The following PTPRG variants were observed in gnomAD, a reference collection of about 807,000 sequenced individuals.
PTPRG encodes the protein receptor-type tyrosine-protein phosphatase gamma.
A neutral mutation model predicts 165.3 loss-of-function variants in PTPRG; 102 were observed. That is an observed-to-expected ratio of 0.62 (90% confidence interval 0.53 to 0.73). PTPRG has a LOEUF of 0.73. PTPRG is among the 30% of genes least tolerant of loss of function. The pLI is 0.00. For synonymous variants in PTPRG, 675 were observed against 669.5 expected (o/e 1.01, Z -0.13); for missense variants, 1,866 against 1,861.4 (o/e 1.00, Z -0.05).
chr3:62,210,727 G>C lies in PTPRG; in HGVS notation c.2155+6777G>C, dbSNP rs538082400. The stretch of plus-strand genomic sequence containing the variant: ...AGATGATGAGAATGAAGACCTTTAT[G>C]ATGACCCACTTCCACTTAATGAATA... On this transcript the variant is annotated intron_variant, in intron 12 of 29. Transcript: ENST00000474889. The surrounding 1 kb of genome is among the most constrained non-coding windows in gnomAD (Gnocchi z 4.1). Among the ~76,000 whole-genome samples the C allele has an allele frequency of 1.3e-5, 2 of 152,146 alleles. No individual in the cohort carries two copies. Among genetic ancestry groups the C allele is most frequent in the South Asian group, 2.1e-4 (1 of 4,820 alleles).
chr3:61,739,802 A>G (rs1398047236), intron 1 of PTPRG, among the ~76,000 whole-genome samples: 1 of 152,230 alleles, frequency 6.6e-6, no homozygotes, highest in Admixed American at 6.5e-5. Context: ...AATACAAATG[A>G]ACAAGTGGGA....
intron 1 of PTPRG, among the ~76,000 whole-genome samples, chr3:61,609,945 A>G (rs2106869808): frequency 6.6e-6 from 1 of 151,736 alleles, no homozygotes; most frequent in East Asian, 1.9e-4. Context: ...ACAATTAAAG[A>G]CAGCCCTTCT....
intron 2 of PTPRG, among the ~76,000 whole-genome samples, chr3:61,796,032 C>A (rs2035034756): frequency 6.6e-6 from 1 of 152,112 alleles, no homozygotes; most frequent in Non-Finnish European, 1.5e-5. Context: ...TAGCTCAGGC[C>A]CTCAAGTTGA....
At chr3:61,575,291 A>G (rs1700149441) in intron 1 of PTPRG, among the ~76,000 whole-genome samples, 1 of 152,128 alleles carries the variant, frequency 6.6e-6, no homozygotes, top group Non-Finnish European at 1.5e-5. Flanking sequence ...TAAACAAAGG[A>G]TTTTGTGAAA....
intron 2 of PTPRG, among the ~76,000 whole-genome samples, chr3:61,935,249 T>C (rs1055650297): frequency 6.6e-6 from 1 of 152,218 alleles, no homozygotes; most frequent in Non-Finnish European, 1.5e-5. Flanking sequence ...TCATTTATTC[T>C]TTAAAAGTGT....
In PTPRG at chr3:62,240,894, C is replaced by T. The variant is rs1342028986; in HGVS notation, c.2376-2913C>T. Among the ~76,000 whole-genome samples, 1 of 152,158 alleles carries T rather than the reference C, an allele frequency of 6.6e-6. No individual in the cohort carries two copies. Among genetic ancestry groups the T allele is most frequent in the African/African-American group, 2.4e-5 (1 of 41,432 alleles). On this transcript the variant is annotated intron_variant, in intron 14 of 29. Coordinates refer to ENST00000474889, the MANE Select transcript of PTPRG (RefSeq NM_002841.4). The surrounding 1 kb of genome is among the most constrained non-coding windows in gnomAD (Gnocchi z 5.1). Reference sequence around the variant, plus strand: ...CTTCATTGCTCTTGACTATTTGAAGCAATTTATTTGCTTGTTGTGGATTTT... The same window carrying T: ...CTTCATTGCTCTTGACTATTTGAAGTAATTTATTTGCTTGTTGTGGATTTT...
At chr3:61,623,961 C>T (rs1381882438) in intron 1 of PTPRG, among the ~76,000 whole-genome samples, 1 of 152,176 alleles carries the variant, frequency 6.6e-6, no homozygotes, top group Non-Finnish European at 1.5e-5. Context: ...AAGGCATATC[C>T]AAAGTTCTGT....
intron 1 of PTPRG, among the ~76,000 whole-genome samples, chr3:61,616,345 A>G (rs1486045319): frequency 6.6e-6 from 1 of 152,196 alleles, no homozygotes; most frequent in Non-Finnish European, 1.5e-5. Context: ...TTAAGTATGT[A>G]TGTCCATGTC....
intron 5 of PTPRG, among the ~76,000 whole-genome samples, chr3:62,131,612 G>T (rs997137842): frequency 6.6e-6 from 1 of 152,146 alleles, no homozygotes; most frequent in Non-Finnish European, 1.5e-5. Flanking sequence ...TACTATCAAT[G>T]GGGGATGGGG....
chr3:61,698,113 C>T (rs1283110889), intron 1 of PTPRG, among the ~76,000 whole-genome samples: 1 of 152,122 alleles, frequency 6.6e-6, no homozygotes, highest in South Asian at 2.1e-4. Flanking sequence ...CTTCCCGTGT[C>T]ACATAAAACT....
At chr3:61,677,590 C>T (rs1406973451) in intron 1 of PTPRG, among the ~76,000 whole-genome samples, 2 of 152,136 alleles carry the variant, frequency 1.3e-5, no homozygotes, top group African/African-American at 2.4e-5. Context: ...AGCCATAGAT[C>T]TAGGCCTGTG....
chr3:62,017,637 G>A (rs1010590694), intron 4 of PTPRG, among the ~76,000 whole-genome samples: 2 of 149,348 alleles, frequency 1.3e-5, no homozygotes, highest in Admixed American at 6.7e-5. Flanking sequence ...TGTTAGCCAG[G>A]ATGGTCTCGA....
chr3:61,608,668 C>G (rs1701081031), intron 1 of PTPRG, among the ~76,000 whole-genome samples: 2 of 152,184 alleles, frequency 1.3e-5, no homozygotes, highest in African/African-American at 4.8e-5. Context: ...TTTGGACTCC[C>G]ATTTGTGTGA....
At chr3:62,047,502 T>C (rs1009811338) in intron 4 of PTPRG, among the ~76,000 whole-genome samples, 3 of 151,862 alleles carry the variant, frequency 2.0e-5, no homozygotes, top group African/African-American at 7.3e-5. Flanking sequence ...CCTCAGGTGA[T>C]CTGCCCTCCC....
intron 2 of PTPRG, chr3:61,770,058 T>G (rs938703106): frequency 6.6e-6 from 1 of 152,198 alleles, no homozygotes; most frequent in African/African-American, 2.4e-5. Flanking sequence ...TCCAGAAGTT[T>G]CCTTATTGCA....
At chr3:61,654,549 T>C (rs1022433355) in intron 1 of PTPRG, among the ~76,000 whole-genome samples, 1 of 151,906 alleles carries the variant, frequency 6.6e-6, no homozygotes. Context: ...CATGCTCAGC[T>C]AGTTTTTTGT....
intron 1 of PTPRG, 127 bp downstream of exon 1, chr3:61,562,499 G>T (rs977898790): frequency 5.1e-6 from 4 of 785,174 alleles, no homozygotes; most frequent in African/African-American, 3.4e-5. Flanking sequence ...GTGGCCCGGC[G>T]CCCGGATAGG....
Position 61,710,773 on chromosome 3 carries a change from T to A in PTPRG, c.86-38105T>A, listed in dbSNP as rs962737397. On this transcript the variant is annotated intron_variant, in intron 1 of 29. Transcript: ENST00000474889. ...CATATAGTTTTCTCTTTACTTTCTT[T>A]TTATTATTATTATTATACTTCAAGT... Among the ~76,000 whole-genome samples the A allele has an allele frequency of 5.9e-5, 9 of 152,060 alleles. No homozygotes were observed. The East Asian group carries it at 1.7e-3, about 29-fold the overall frequency.
chr3:62,185,977 G>C (rs1705866366), intron 8 of PTPRG, among the ~76,000 whole-genome samples: 1 of 152,156 alleles, frequency 6.6e-6, no homozygotes, highest in African/African-American at 2.4e-5. Context: ...GCGTTTGCCT[G>C]TTTCCTTTTT....
Sources: gnomAD v4.1 joint callset for allele counts (sites outside exome capture counted in the v4.1 genomes callset) on GRCh38, gnomAD v4.1.1 for gene constraint, Gnocchi (gnomAD v3.1) non-coding constraint, MANE v1.5 for transcripts, NCBI Gene and HGNC (gene_info 2026-07-23, HGNC 2026-07-21) for gene names.